Variants in ADCY5 observed in about 807,000 individuals in gnomAD.
ADCY5 encodes the protein adenylate cyclase type 5.
A neutral mutation model predicts 119.7 loss-of-function variants in ADCY5; 30 were observed. The ratio of observed to expected loss-of-function variants is 0.25; its 90% CI spans 0.19 to 0.34. The LOEUF is 0.34. Among genes scored for constraint, ADCY5 ranks in the 10% least tolerant of loss-of-function variants. ADCY5 has a pLI of 1.00. For missense variants in ADCY5, 1,324 were observed against 1,775.2 expected (o/e 0.75, Z 4.57); for synonymous variants, 753 against 762.2 (o/e 0.99, Z 0.20).
intron 1 of ADCY5, among the ~76,000 whole-genome samples, chr3:123,375,575 G>A (rs572569483): frequency 9.2e-5 from 14 of 152,354 alleles, no homozygotes; most frequent in Non-Finnish European, 1.5e-4. Context: ...GTCAGCTGGC[G>A]CCATCTTGCT....
chr3:123,372,405 C>T (rs1248789851), intron 1 of ADCY5, among the ~76,000 whole-genome samples: 1 of 152,184 alleles, frequency 6.6e-6, no homozygotes, highest in Non-Finnish European at 1.5e-5. Flanking sequence ...TCAGCCCACG[C>T]ATGGCACCCA....
intron 1 of ADCY5, among the ~76,000 whole-genome samples, chr3:123,415,282 C>G (rs1576681537): frequency 6.6e-6 from 1 of 152,190 alleles, no homozygotes; most frequent in African/African-American, 2.4e-5. Context: ...CAGGGTGGAA[C>G]CCTCTGCCAT....
chr3:123,307,141 A>G (rs1248018491), intron 12 of ADCY5, among the ~76,000 whole-genome samples: 1 of 152,144 alleles, frequency 6.6e-6, no homozygotes, highest in Non-Finnish European at 1.5e-5. Context: ...GATGACAACA[A>G]TGTTCTGGAA....
intron 2 of ADCY5, among the ~76,000 whole-genome samples, chr3:123,350,134 C>T (rs927471409): frequency 3.9e-5 from 6 of 152,346 alleles, no homozygotes; most frequent in East Asian, 1.9e-4. Flanking sequence ...CCTCCTCCTC[C>T]GCTGCTCCTC....
chr3:123,359,094 C>T (rs546543768), intron 1 of ADCY5, among the ~76,000 whole-genome samples: 41 of 150,874 alleles, frequency 2.7e-4, no homozygotes, highest in Non-Finnish European at 5.3e-4. Flanking sequence ...GGGAAGACCC[C>T]TGCTCAGTTT....
At chr3:123,319,867 C>A in intron 9 of ADCY5, 49 bp from the exon 10 acceptor site, 1 of 1,598,100 alleles carries the variant, frequency 6.3e-7, no homozygotes, top group Non-Finnish European at 8.6e-7. Context: ...ACAGGGGCAC[C>A]AGCAGAGGGC....
intron 1 of ADCY5, among the ~76,000 whole-genome samples, chr3:123,391,769 G>A (rs966674401): frequency 7.2e-5 from 11 of 152,212 alleles, no homozygotes; most frequent in African/African-American, 2.7e-4. Context: ...ACTCCAGGGG[G>A]TGCCATTCAC....
chr3:123,439,075 G>GTTTTTTTTTTTTTTTT (rs1553750271), intron 1 of ADCY5, among the ~76,000 whole-genome samples: 6 of 2,796 alleles, frequency 2.1e-3, no homozygotes, highest in South Asian at 0.017. Context: ...ACCCTAAAGT[G>GTTTTTTTTTTTTTTTT]CTTTTTTTTT....
chr3:123,402,504 C>T (rs1349866014), intron 1 of ADCY5, among the ~76,000 whole-genome samples: 1 of 152,202 alleles, frequency 6.6e-6, no homozygotes, highest in Non-Finnish European at 1.5e-5. Context: ...TCTTTTGAAT[C>T]TCTCCATCCA....
chr3:123,359,139 GCTTGCCC>G, intron 1 of ADCY5, among the ~76,000 whole-genome samples: 1 of 151,688 alleles, frequency 6.6e-6, no homozygotes, highest in Non-Finnish European at 1.5e-5. Flanking sequence ...CGGTAAGTCA[GCTTGCCC>G]CTTGCAATAT....
At chr3:123,396,908 G>A (rs1944613973) in intron 1 of ADCY5, among the ~76,000 whole-genome samples, 1 of 151,884 alleles carries the variant, frequency 6.6e-6, no homozygotes, top group Non-Finnish European at 1.5e-5. Flanking sequence ...ACAGGGGCAT[G>A]CACGCCTGCG....
intron 8 of ADCY5, among the ~76,000 whole-genome samples, chr3:123,324,415 CACACACA>C (rs1425538591): frequency 2.3e-3 from 40 of 17,672 alleles, no homozygotes; most frequent in African/African-American, 0.02. Context: ...CACACACACA[CACACACA>C]CACACACACA....
At chr3:123,315,090 G>A (rs1052451894) in intron 11 of ADCY5, among the ~76,000 whole-genome samples, 11 of 152,200 alleles carry the variant, frequency 7.2e-5, no homozygotes, top group African/African-American at 2.4e-4. Flanking sequence ...GGCCCTCCTG[G>A]GGCAAGGGCT....
intron 12 of ADCY5, among the ~76,000 whole-genome samples, chr3:123,312,601 C>T (rs1940645677): frequency 6.6e-6 from 1 of 152,174 alleles, no homozygotes; most frequent in Admixed American, 6.5e-5. Context: ...TTTCTGTGTC[C>T]ATAAATTTGC....
At chr3:123,319,418 C>T (rs1005263454) in intron 10 of ADCY5, among the ~76,000 whole-genome samples, 7 of 151,816 alleles carry the variant, frequency 4.6e-5, no homozygotes, top group South Asian at 2.1e-4. Flanking sequence ...TATGACCCTA[C>T]GAAGTGGGAA....
In ADCY5 at chr3:123,448,743, G is replaced by T; in HGVS notation, c.-198C>A. ...GGAGGGCACAGCCCCGAGGTGAGAAGTAGCTGAGGATCCGCGTCAGAAGTC... is the reference window on the plus strand; with the variant it reads ...GGAGGGCACAGCCCCGAGGTGAGAATTAGCTGAGGATCCGCGTCAGAAGTC... On this transcript the variant is annotated 5_prime_UTR_variant, in exon 1 of 21. Coordinates refer to ENST00000462833, the MANE Select transcript of ADCY5 (RefSeq NM_183357.3). 1 of 426,262 alleles carries T rather than the reference G, an allele frequency of 2.3e-6. No homozygotes were observed. The highest frequency in any genetic ancestry group is 4.0e-6 in the Non-Finnish European group (1 of 252,604). 26.4% of individuals were successfully genotyped at this position (426,262 alleles called of 1,614,324 possible).
intron 9 of ADCY5, 43 bp from the exon 10 acceptor site, chr3:123,319,861 G>T (rs1246539364): frequency 1.2e-6 from 2 of 1,601,768 alleles, no homozygotes; most frequent in Non-Finnish European, 1.7e-6. Context: ...CTGACCACAG[G>T]GGCACCAGCA....
At chr3:123,335,310 G>A (rs977360880) in intron 3 of ADCY5, among the ~76,000 whole-genome samples, 4 of 152,090 alleles carry the variant, frequency 2.6e-5, no homozygotes, top group African/African-American at 9.7e-5. Context: ...TCTCCTCCTC[G>A]TGGGAACTGT....
intron 12 of ADCY5, among the ~76,000 whole-genome samples, chr3:123,306,809 A>G (rs112346845): frequency 0.042 from 6,351 of 152,340 alleles, 194 homozygotes; most frequent in Middle Eastern, 0.085. Flanking sequence ...TCACAGCTGT[A>G]TTCTTCCTAA....
Sources: allele counts gnomAD v4.1 joint callset (sites outside exome capture counted in the v4.1 genomes callset), GRCh38; gene constraint gnomAD v4.1.1; transcripts MANE v1.5; gene names NCBI Gene and HGNC (gene_info 2026-07-23, HGNC 2026-07-21).